PARG: variants seen among roughly 807,000 people sequenced by gnomAD.
PARG encodes poly(ADP-ribose) glycohydrolase.
In PARG, 35 loss-of-function variants were observed where a neutral mutation model predicts 113.0. The ratio of observed to expected loss-of-function variants is 0.31; its 90% confidence interval spans 0.24 to 0.41. The LOEUF is 0.41. PARG is among the 10% of genes least tolerant of loss of function. PARG has a pLI of 1.00. For synonymous variants in PARG, 330 were observed against 409.9 expected, an observed-to-expected ratio of 0.81 and a Z score of 2.36; for missense variants, 797 against 1,169.4, an observed-to-expected ratio of 0.68 and a Z score of 4.64.
intron 13 of PARG, among the ~76,000 whole-genome samples, chr10:49,849,961 T>C (rs1845684742): frequency 2.0e-5 from 3 of 152,182 alleles, no homozygotes; most frequent in Admixed American, 6.5e-5. Flanking sequence ...GAGGTAACAG[T>C]GAGCTATGAT....
At chr10:49,939,902 ACT>A (rs1240969183) in intron 1 of PARG, among the ~76,000 whole-genome samples, 1 of 152,140 alleles carries the variant, frequency 6.6e-6, no homozygotes, top group African/African-American at 2.4e-5. Context: ...AGCCTCTTAC[ACT>A]GTTAACGAAT....
At chr10:49,899,272 C>G (rs1249454218) in intron 7 of PARG, among the ~76,000 whole-genome samples, 4 of 152,170 alleles carry the variant, frequency 2.6e-5, no homozygotes, top group Non-Finnish European at 4.4e-5. Flanking sequence ...AGTACAAAAA[C>G]ATTAAATGTT....
Position 49,831,194 on chromosome 10 carries a change from AT to A in PARG, c.2647+1608del, listed in dbSNP as rs1267275057. ...CAAATGCTGACAGTGAATTCTAGTG[AT>A]TTTTATATACTTCATGGTATTTTTC... On this transcript the variant is annotated intron_variant, in intron 16 of 17. Coordinates refer to ENST00000616448, the MANE Select transcript of PARG (RefSeq NM_003631.5). 2.4e-4 allele frequency among the ~76,000 whole-genome samples: 37 copies of A among 151,966 alleles called. 1 individual carries two copies. The highest frequency in any genetic ancestry group is 2.0e-3 in the Admixed American group (31 of 15,252).
At chr10:49,870,464 T>C (rs1202992427) in intron 9 of PARG, among the ~76,000 whole-genome samples, 2 of 150,862 alleles carry the variant, frequency 1.3e-5, no homozygotes, top group Non-Finnish European at 3.0e-5. Flanking sequence ...CTTTGCATGG[T>C]AACCACAACA....
chr10:49,941,930 C>T lies in PARG; in HGVS notation c.-205G>A. 3 of 1,018,788 alleles carry T rather than the reference C, an allele frequency of 2.9e-6. No homozygotes were observed. Among genetic ancestry groups the T allele is most frequent in the East Asian group, 2.6e-5 (1 of 38,600 alleles). 63.1% of individuals were successfully genotyped at this position (1,018,788 alleles called of 1,614,324 possible). A position where few individuals can be genotyped will look rare whatever the true frequency, so the allele number is the denominator to read the frequency against. ...CCTGCCTTCCCTCTTCCACTGGCAC[C>T]CCACCTGCCTCAATGCGCCGCTTTG... On this transcript the variant is annotated 5_prime_UTR_variant, in exon 1 of 18. Transcript: ENST00000616448.
chr10:49,917,838 G>GA (rs11406956), intron 6 of PARG, among the ~76,000 whole-genome samples: 103,029 of 143,590 alleles, frequency 0.72, 37,034 homozygotes, highest in East Asian at 0.95. Context: ...AAAAAAGAAA[G>GA]AAAAAAAAAA....
intron 7 of PARG, among the ~76,000 whole-genome samples, chr10:49,915,211 G>A (rs559760505): frequency 4.7e-4 from 70 of 149,992 alleles, no homozygotes; most frequent in African/African-American, 1.6e-3. Flanking sequence ...CAAAATGGGA[G>A]AAAATATTTG....
chr10:49,911,724 T>C (rs1554846318), intron 7 of PARG, among the ~76,000 whole-genome samples: 1 of 152,220 alleles, frequency 6.6e-6, no homozygotes, highest in Admixed American at 6.5e-5. Context: ...AGGGTGGGCT[T>C]CTGGGCACCT....
intron 15 of PARG, among the ~76,000 whole-genome samples, chr10:49,835,862 C>T (rs1377812184): frequency 2.6e-5 from 4 of 152,104 alleles, no homozygotes; most frequent in South Asian, 4.2e-4. Flanking sequence ...ACAAACGTGA[C>T]GATGGTCCCA....
At chr10:49,894,204 A>ATTT (rs58141680) in intron 7 of PARG, among the ~76,000 whole-genome samples, 1 of 133,608 alleles carries the variant, frequency 7.5e-6, no homozygotes. Context: ...CAGCTAATTA[A>ATTT]TTTTTTTTTT....
At chr10:49,832,084 T>C (rs1046095466) in intron 16 of PARG, among the ~76,000 whole-genome samples, 1 of 152,266 alleles carries the variant, frequency 6.6e-6, no homozygotes, top group Non-Finnish European at 1.5e-5. Context: ...AGTAATGATA[T>C]AGTATTATTT....
chr10:49,934,813 C>T (rs1201548967), intron 2 of PARG, among the ~76,000 whole-genome samples: 1 of 151,508 alleles, frequency 6.6e-6, no homozygotes, highest in Non-Finnish European at 1.5e-5. Flanking sequence ...CACGCCACTA[C>T]ACTCCAGCCT....
chr10:49,858,933 T>C (rs1846121797), intron 12 of PARG, among the ~76,000 whole-genome samples: 2 of 152,120 alleles, frequency 1.3e-5, no homozygotes, highest in South Asian at 2.1e-4. Context: ...GTATGTATGG[T>C]TCCTGGCCTC....
intron 9 of PARG, among the ~76,000 whole-genome samples, chr10:49,877,186 A>C (rs1241195673): frequency 8.0e-5 from 12 of 149,740 alleles, no homozygotes; most frequent in African/African-American, 2.7e-4. Flanking sequence ...TAAACACACA[A>C]TAAATGCACT....
At chr10:49,825,954 A>G (rs1844337061) in intron 16 of PARG, among the ~76,000 whole-genome samples, 1 of 152,116 alleles carries the variant, frequency 6.6e-6, no homozygotes, top group Non-Finnish European at 1.5e-5. Flanking sequence ...TTTGGATTTC[A>G]TTGTTTTTTT....
In PARG at chr10:49,933,391, A is replaced by G; in HGVS notation, c.1057T>C (p.Phe353Leu). 1 of 1,613,614 alleles carries G rather than the reference A, an allele frequency of 6.2e-7. No individual in the cohort carries two copies. The highest frequency in any genetic ancestry group is 8.5e-7 in the Non-Finnish European group (1 of 1,179,552). ...RFQARDADIEFRKRYSTKGGE... is the reference protein window; with the variant it reads ...RFQARDADIELRKRYSTKGGE... ...CCCTTAGTAGAGTACCGTTTCCTAAATTCAATGTCAGCGTCTCTTGCTTGG... is the reference window on the plus strand; with the variant it reads ...CCCTTAGTAGAGTACCGTTTCCTAAGTTCAATGTCAGCGTCTCTTGCTTGG... Residue 353 changes from phenylalanine to leucine, a missense_variant, in exon 3 of 18, where the codon TTT becomes CTT. This residue lies in a region of PARG where 252 missense variants were observed against 437.4 expected (regional missense o/e 0.58). Coordinates refer to ENST00000616448, the MANE Select transcript of PARG (RefSeq NM_003631.5).
intron 16 of PARG, among the ~76,000 whole-genome samples, chr10:49,831,876 C>T (rs893590399): frequency 6.6e-6 from 1 of 152,190 alleles, no homozygotes; most frequent in East Asian, 1.9e-4. Flanking sequence ...CAATAGTAAC[C>T]AGCTGGACAG....
chr10:49,890,488 A>G (rs1379787991), intron 7 of PARG, among the ~76,000 whole-genome samples: 3 of 152,222 alleles, frequency 2.0e-5, no homozygotes, highest in African/African-American at 7.2e-5. Flanking sequence ...TTGTGCCAGA[A>G]GATGACAGAA....
intron 4 of PARG, among the ~76,000 whole-genome samples, chr10:49,927,114 C>G (rs61846933): frequency 6.6e-6 from 1 of 151,992 alleles, no homozygotes; most frequent in East Asian, 1.9e-4. Context: ...CAAGACCATC[C>G]TGGCCAACAT....
Sources: gnomAD v4.1 joint callset for allele counts (sites outside exome capture counted in the v4.1 genomes callset) on GRCh38, gnomAD v4.1.1 for gene constraint, gnomAD v4.1.1 regional missense constraint, MANE v1.5 for transcripts, NCBI Gene and HGNC (gene_info 2026-07-23, HGNC 2026-07-21) for gene names.